The following WWOX variants were observed in gnomAD, a reference collection of about 807,000 sequenced individuals.
WWOX encodes the protein WW domain-containing oxidoreductase.
A neutral mutation model predicts 46.2 loss-of-function variants in WWOX; 69 were observed. The observed-to-expected ratio is 1.49, with a 90% CI of 1.23 to 1.82. WWOX has a LOEUF of 1.82. Ranked by LOEUF, WWOX falls within the 40% of genes most tolerant of loss-of-function variation. The probability of loss-of-function intolerance (pLI) is 0.00; values close to 1 mark genes in which losing one functional copy is unlikely to be tolerated. For missense variants in WWOX, 919 were observed against 542.6 expected (o/e 1.69, Z -6.89); for synonymous variants, 359 against 202.6 (o/e 1.77, Z -6.56).
At chr16:79,117,513 A>G (rs775665300) in intron 8 of WWOX, among the ~76,000 whole-genome samples, 3 of 152,220 alleles carry the variant, frequency 2.0e-5, no homozygotes, top group Non-Finnish European at 4.4e-5. Context: ...CTTGGCTTCA[A>G]CTTGAAGTCA....
intron 8 of WWOX, among the ~76,000 whole-genome samples, chr16:78,762,165 G>A (rs1328448322): frequency 2.0e-5 from 3 of 152,164 alleles, no homozygotes; most frequent in Non-Finnish European, 4.4e-5. Context: ...AAGGTCAAAA[G>A]TGGTGAATTG....
chr16:78,780,345 C>A (rs1449784528), intron 8 of WWOX: 1 of 152,084 alleles, frequency 6.6e-6, no homozygotes, highest in Admixed American at 6.5e-5. Context: ...TTTATTCATT[C>A]ACTGGTTGAT....
intron 5 of WWOX, among the ~76,000 whole-genome samples, chr16:78,369,586 T>C (rs2081618729): frequency 6.6e-6 from 1 of 152,036 alleles, no homozygotes; most frequent in African/African-American, 2.4e-5. Flanking sequence ...GCTGGACTGA[T>C]TTCTCATTAA....
At chr16:78,804,593 C>G (rs1202530912) in intron 8 of WWOX, among the ~76,000 whole-genome samples, 1 of 152,224 alleles carries the variant, frequency 6.6e-6, no homozygotes, top group African/African-American at 2.4e-5. Flanking sequence ...ATACCCAGGT[C>G]TTACACGTAG....
At position 78,275,126 on chromosome 16, in the gene WWOX, A is replaced by T. The variant is rs187923613; in HGVS notation, c.516+110837A>T. 3.4e-3 allele frequency among the ~76,000 whole-genome samples: 525 copies of T among 152,310 alleles called. 1 individual carries two copies. The highest frequency in any genetic ancestry group is 5.6e-3 in the Non-Finnish European group (384 of 68,026). ...TGGCTCTTGCCTTTATGCTTTAAGG[A>T]TCCTAAAGAGAAGATGTAATTATAA... is the stretch of plus-strand genomic sequence containing the variant. On this transcript the variant is annotated intron_variant, in intron 5 of 8. Transcript: ENST00000566780.
rs143390278 is a variant in WWOX at position 78,738,507 on chromosome 16, A to G, written c.1056+305755A>G. Among the ~76,000 whole-genome samples, 433 of 152,222 alleles carry G rather than the reference A, an allele frequency of 2.8e-3. 3 individuals carry two copies. The highest frequency in any genetic ancestry group is 5.0e-3 in the Non-Finnish European group (342 of 68,030). On this transcript the variant is annotated intron_variant, in intron 8 of 8. Transcript: ENST00000566780. ...ATGAGAATTCCACTCCTTTGGGAGT[A>G]TTGGCATATGTTAAAATACAAATAT...
At chr16:78,265,001 C>CTTTTTTTT (rs35911801) in intron 5 of WWOX, 1 of 69,406 alleles carries the variant, frequency 1.4e-5, no homozygotes, top group Non-Finnish European at 2.6e-5. Context: ...TTCTTTCTTT[C>CTTTTTTTT]TTTTTTTTTT....
At chr16:78,721,759 C>T (rs1009337384) in intron 8 of WWOX, among the ~76,000 whole-genome samples, 1 of 152,194 alleles carries the variant, frequency 6.6e-6, no homozygotes, top group African/African-American at 2.4e-5. Flanking sequence ...AGATTACATA[C>T]ACAGGGCCAG....
chr16:79,137,193 C>T (rs765051350), intron 8 of WWOX, among the ~76,000 whole-genome samples: 1 of 152,118 alleles, frequency 6.6e-6, no homozygotes, highest in African/African-American at 2.4e-5. Flanking sequence ...GGTAATGTGG[C>T]GGTTTTATTA....
At chr16:79,126,812 C>T (rs1446761031) in intron 8 of WWOX, among the ~76,000 whole-genome samples, 5 of 152,110 alleles carry the variant, frequency 3.3e-5, no homozygotes, top group African/African-American at 1.2e-4. Flanking sequence ...GACTGGATGT[C>T]CTATAGGACA....
At chr16:78,945,111 T>G (rs1437858090) in intron 8 of WWOX, among the ~76,000 whole-genome samples, 1 of 152,022 alleles carries the variant, frequency 6.6e-6, no homozygotes, top group African/African-American at 2.4e-5. Context: ...GCCTGGGATA[T>G]CAAGGCTACA....
At chr16:78,416,997 G>C (rs1249180489) in intron 6 of WWOX, among the ~76,000 whole-genome samples, 1 of 151,656 alleles carries the variant, frequency 6.6e-6, no homozygotes, top group Non-Finnish European at 1.5e-5. Context: ...ATGTAAGACA[G>C]AAGGTATTGT....
chr16:79,036,904 G>A (rs2047878015), intron 8 of WWOX, among the ~76,000 whole-genome samples: 1 of 152,124 alleles, frequency 6.6e-6, no homozygotes, highest in South Asian at 2.1e-4. Context: ...CTTTCAGATG[G>A]GCAATAAGTG....
chr16:78,102,272 G>A (rs921138925), intron 1 of WWOX, among the ~76,000 whole-genome samples: 6 of 152,136 alleles, frequency 3.9e-5, no homozygotes, highest in Non-Finnish European at 7.4e-5. Flanking sequence ...TAGGTAGAGG[G>A]AACAGTGAGA....
At chr16:78,629,624 A>G (rs1372509505) in intron 8 of WWOX, among the ~76,000 whole-genome samples, 1 of 152,106 alleles carries the variant, frequency 6.6e-6, no homozygotes, top group Non-Finnish European at 1.5e-5. Context: ...TTCCCCAGAA[A>G]CCTGCTACCT....
intron 1 of WWOX, among the ~76,000 whole-genome samples, chr16:78,107,916 C>A (rs751580457): frequency 6.6e-6 from 1 of 151,854 alleles, no homozygotes; most frequent in African/African-American, 2.4e-5. Flanking sequence ...AGCAAAATGC[C>A]TCTAGATTTA....
chr16:79,039,122 A>G (rs2047923509), intron 8 of WWOX, among the ~76,000 whole-genome samples: 1 of 152,142 alleles, frequency 6.6e-6, no homozygotes, highest in South Asian at 2.1e-4. Flanking sequence ...AAGAAATGAA[A>G]GTTCTGACTG....
intron 8 of WWOX, among the ~76,000 whole-genome samples, chr16:79,036,992 G>C (rs972150019): frequency 6.6e-6 from 1 of 152,130 alleles, no homozygotes; most frequent in African/African-American, 2.4e-5. Context: ...TATAGTGATG[G>C]GTCTCTCATG....
At chr16:78,619,845 C>G (rs1426531960) in intron 8 of WWOX, among the ~76,000 whole-genome samples, 2 of 151,922 alleles carry the variant, frequency 1.3e-5, no homozygotes, top group East Asian at 3.9e-4. Flanking sequence ...GGAGGTTGAA[C>G]CATGATTGCA....
Sources: allele counts gnomAD v4.1 joint callset (sites outside exome capture counted in the v4.1 genomes callset), GRCh38; gene constraint gnomAD v4.1.1; transcripts MANE v1.5; gene names NCBI Gene and HGNC (gene_info 2026-07-23, HGNC 2026-07-21).